Variants in HOXB8 observed in about 807,000 individuals in gnomAD.
The protein encoded by HOXB8 is homeobox protein Hox-B8.
A neutral mutation model predicts 22.2 loss-of-function variants in HOXB8; 17 were observed. The ratio of observed to expected loss-of-function variants is 0.77; its 90% CI spans 0.53 to 1.15. The LOEUF is 1.15. Among genes scored for constraint, HOXB8 ranks in the 50% most tolerant of loss-of-function variants. The probability of loss-of-function intolerance (pLI) is 0.00; values close to 1 mark genes in which losing one functional copy is unlikely to be tolerated. For synonymous variants in HOXB8, 156 were observed against 144.6 expected, an observed-to-expected ratio of 1.08 and a Z score of -0.57; for missense variants, 287 against 323.8, an observed-to-expected ratio of 0.89 and a Z score of 0.87.
chr17:48,614,594 G>A lies in HOXB8; in HGVS notation c.111C>T (p.Thr37=), dbSNP rs1022189335. 3 of 1,610,722 alleles carry A rather than the reference G, an allele frequency of 1.9e-6. No homozygotes were observed. Among genetic ancestry groups the A allele is most frequent in the Non-Finnish European group, 2.5e-6 (3 of 1,178,586 alleles). ...GFAQDLGGRP[T]VVYGPSSGGS... is the part of the protein sequence containing the mutation. Reference sequence around the variant, plus strand: ...CGCCGCTGCTGGGACCGTACACCACGGTGGGTCGGCCGCCCAGGTCCTGGG... The same window carrying A: ...CGCCGCTGCTGGGACCGTACACCACAGTGGGTCGGCCGCCCAGGTCCTGGG... The change falls in exon 1 of 2, where the codon ACC becomes ACT. Residue 37 remains threonine, a synonymous_variant. Coordinates refer to ENST00000239144, the MANE Select transcript of HOXB8 (RefSeq NM_024016.4). The surrounding 1 kb of genome is among the most constrained non-coding windows in gnomAD (Gnocchi z 4.1).
Position 48,613,317 on chromosome 17 carries a change from T to G in HOXB8, c.617A>C (p.Asn206Thr). 6.2e-7 allele frequency: 1 copy of G among 1,614,056 alleles called. No individual in the cohort carries two copies. The highest frequency in any genetic ancestry group is 1.1e-5 in the South Asian group (1 of 91,072). ...TTTGCTGCTGGGGAACTTGTCTTTG[T>G]TGTTCTCTTTTTTCCACTTCATCCT... ...NRRMKWKKEN[N>T]KDKFPSSKCE... Residue 206 changes from asparagine (N) to threonine (T), a missense_variant, in exon 2 of 2, where the codon AAC (asparagine) becomes ACC (threonine). By Grantham distance (65) the Asn-to-Thr change is moderately conservative (BLOSUM62 0). Around this residue, in one of 3 missense-constraint regions of HOXB8, gnomAD observed 52 missense variants for 54.8 expected, o/e 0.95. Coordinates refer to ENST00000239144, the MANE Select transcript of HOXB8 (RefSeq NM_024016.4).
rs374013661 is a variant in HOXB8, at chr17:48,613,385, C to T, written c.549G>A (p.Leu183=). ...TTTTGACCTGTCTCTCTGTCAGTCCCAGGGCGTGCGATACCTCGATTCGCC... is the reference window on the plus strand; with the variant it reads ...TTTTGACCTGTCTCTCTGTCAGTCCTAGGGCGTGCGATACCTCGATTCGCC... ...RKRRIEVSHA[L]GLTERQVKIW... The change falls in exon 2 of 2, where the codon CTG becomes CTA. Residue 183 remains leucine, a synonymous_variant. Coordinates refer to ENST00000239144, the MANE Select transcript of HOXB8 (RefSeq NM_024016.4). 1.1e-5 allele frequency: 17 copies of T among 1,613,970 alleles called. No homozygotes were observed. The East Asian group carries it at 2.2e-4, about 21-fold the overall frequency.
intron 1 of HOXB8, among the ~76,000 whole-genome samples, chr17:48,613,953 A>G (rs1472099380): frequency 6.6e-6 from 1 of 152,090 alleles, no homozygotes; most frequent in African/African-American, 2.4e-5. Flanking sequence ...AGCAATTGAG[A>G]AGTGCAAAAG....
chr17:48,613,288 C>T lies in HOXB8; in HGVS notation c.646G>A (p.Glu216Lys), dbSNP rs771982800. The change falls in exon 2 of 2, where the codon GAG becomes AAG. Residue 216 changes from glutamate to lysine, a missense_variant. Around this residue, in one of 3 missense-constraint regions of HOXB8, gnomAD observed 52 missense variants for 54.8 expected, o/e 0.95. Coordinates refer to ENST00000239144, the MANE Select transcript of HOXB8 (RefSeq NM_024016.4). ...NKDKFPSSKC[E>K]QEELEKQKLE... is the part of the protein sequence containing the mutation. ...TTCTGTTTCTCCAGCTCCTCCTGCT[C>T]GCATTTGCTGCTGGGGAACTTGTCT... is the stretch of plus-strand genomic sequence containing the variant. 3.1e-6 allele frequency: 5 copies of T among 1,614,036 alleles called. No individual in the cohort carries two copies. The Admixed American group carries it at 6.7e-5, about 22-fold the overall frequency.
At position 48,612,559 on chromosome 17, in the gene HOXB8, T is replaced by C. The variant is rs1416580600; in HGVS notation, c.*643A>G. 2 of 152,526 alleles carry C rather than the reference T, an allele frequency of 1.3e-5. No individual in the cohort carries two copies. Among genetic ancestry groups the C allele is most frequent in the Admixed American group, 1.3e-4 (2 of 15,276 alleles). 9.4% of individuals were successfully genotyped at this position (152,526 alleles called of 1,614,324 possible). On this transcript the variant is annotated 3_prime_UTR_variant, in exon 2 of 2. Transcript: ENST00000239144. ...CGCATGCTAACTAAAGTAACCTCTT[T>C]TGAGAAACACTTAAGACAAAATTGT...
chr17:48,612,869 G>A lies in HOXB8; in HGVS notation c.*333C>T, dbSNP rs1597889409. 6.2e-6 allele frequency: 1 copy of A among 160,780 alleles called. No homozygotes were observed. Among genetic ancestry groups the A allele is most frequent in the Admixed American group, 6.4e-5 (1 of 15,556 alleles). 10.0% of individuals were successfully genotyped at this position (160,780 alleles called of 1,614,324 possible). On this transcript the variant is annotated 3_prime_UTR_variant, in exon 2 of 2. Coordinates refer to ENST00000239144, the MANE Select transcript of HOXB8 (RefSeq NM_024016.4). The stretch of plus-strand genomic sequence containing the variant: ...GAAAAAAAAGACAATTGCACAAGGA[G>A]GCTTTTTACACGGGGAGGGGAGGGG...
At position 48,615,214 on chromosome 17, in the gene HOXB8, A is replaced by AGAGCGAGGGTGAGAGCGAGAGAGAGC. The variant is rs2070710952; in HGVS notation, c.-536_-511dup. Among the ~76,000 whole-genome samples, 1 of 148,740 alleles carries AGAGCGAGGGTGAGAGCGAGAGAGAGC rather than the reference A, an allele frequency of 6.7e-6. No homozygotes were observed. The highest frequency in any genetic ancestry group is 2.5e-5 in the African/African-American group (1 of 40,802). ...TTCGTACTCCTCCCGGACAGAACGC[A>AGAGCGAGGGTGAGAGCGAGAGAGAGC]GAGCGAGGGTGAGAGCGAGAGAGAG... On this transcript the variant is annotated 5_prime_UTR_variant, in exon 1 of 2. Coordinates refer to ENST00000239144, the MANE Select transcript of HOXB8 (RefSeq NM_024016.4).
At position 48,614,815 on chromosome 17, in the gene HOXB8, C is replaced by G. The variant is rs947903399; in HGVS notation, c.-111G>C. 1 of 861,880 alleles carries G rather than the reference C, an allele frequency of 1.2e-6. No homozygotes were observed. The highest frequency in any genetic ancestry group is 1.7e-6 in the Non-Finnish European group (1 of 591,500). The allele number at this position is 861,880 out of a possible 1,614,324, so 53.4% of individuals were successfully genotyped here. ...GAGAGAGAAAAAAACGCGGATTCGC[C>G]GGCTCCTAGTCACCCTCGCCAGGAA... On this transcript the variant is annotated 5_prime_UTR_variant, in exon 1 of 2. Coordinates refer to ENST00000239144, the MANE Select transcript of HOXB8 (RefSeq NM_024016.4). The surrounding 1 kb of genome is among the most constrained non-coding windows in gnomAD (Gnocchi z 4.1).
chr17:48,613,503 G>C lies in HOXB8; in HGVS notation c.431C>G (p.Ala144Gly), dbSNP rs766718145. Residue 144 changes from alanine (A) to glycine (G), a missense_variant, in exon 2 of 2, where the codon GCC becomes GGC. This residue lies in a region of HOXB8 where 229 missense variants were observed against 239.8 expected (regional missense o/e 0.95). Transcript: ENST00000239144. ...GGTCTGTCGGCCTCGCCTGCGTCCG[G>C]CGGCTGCTGGGAATGGGGGAAAGGG... is the stretch of plus-strand genomic sequence containing the variant. ...LFPWMRPQAA[A>G]GRRRGRQTYS... is the part of the protein sequence containing the mutation. 6.3e-7 allele frequency: 1 copy of C among 1,590,562 alleles called. No individual in the cohort carries two copies. Among genetic ancestry groups the C allele is most frequent in the African/African-American group, 1.4e-5 (1 of 73,976 alleles).
Position 48,614,432 on chromosome 17 carries a change from C to T in HOXB8, c.273G>A (p.Leu91=), listed in dbSNP as rs1444783637. 9 of 1,613,944 alleles carry T rather than the reference C, an allele frequency of 5.6e-6. No individual in the cohort carries two copies. The South Asian group carries it at 9.9e-5, about 18-fold the overall frequency. The stretch of plus-strand genomic sequence containing the variant: ...GCGCACCGAATAGGCTCTGGCGTTG[C>T]AGCGGGTCGTAGCCGTAGAAATTGC... The part of the protein sequence containing the change: ...DPGNFYGYDP[L]QRQSLFGAQD... The change falls in exon 1 of 2, where the codon CTG becomes CTA. Residue 91 remains leucine (L), a synonymous_variant. Coordinates refer to ENST00000239144, the MANE Select transcript of HOXB8 (RefSeq NM_024016.4). The surrounding 1 kb of genome is among the most constrained non-coding windows in gnomAD (Gnocchi z 4.1).
At chr17:48,613,711 G>C (rs1297545425) in intron 1 of HOXB8, among the ~76,000 whole-genome samples, 1 of 152,130 alleles carries the variant, frequency 6.6e-6, no homozygotes, top group Admixed American at 6.5e-5. Context: ...TTAGACACAA[G>C]TGAATCTAAG....
At position 48,614,230 on chromosome 17, in the gene HOXB8, T is replaced by TGCCCGGCCC; in HGVS notation, c.424+50_424+51insGGGCCGGGC. 8.5e-6 allele frequency: 3 copies of TGCCCGGCCC among 353,000 alleles called. No homozygotes were observed. The highest frequency in any genetic ancestry group is 3.3e-5 in the African/African-American group (1 of 30,570). The allele number at this position is 353,000 out of a possible 1,614,324, so 21.9% of individuals were successfully genotyped here. A position where few individuals can be genotyped will look rare whatever the true frequency, so the allele number is the denominator to read the frequency against. On this transcript the variant is annotated intron_variant, in intron 1 of 1. Coordinates refer to ENST00000239144, the MANE Select transcript of HOXB8 (RefSeq NM_024016.4). This position sits in a 1 kb window ranked among gnomAD's most constrained non-coding sequence, Gnocchi z 4.1. ...GAAATGCGCCCCGGCCTGCCAGGCC[T>TGCCCGGCCC]TGGGCCCTTCCGGCCCCCTCCTGCC...
In HOXB8 at chr17:48,612,442, G is replaced by C. The variant is rs1372676058; in HGVS notation, c.*760C>G. The C allele has an allele frequency of 6.6e-6, 1 of 152,350 alleles. No homozygotes were observed. The highest frequency in any genetic ancestry group is 1.5e-5 in the Non-Finnish European group (1 of 67,990). The allele number at this position is 152,350 out of a possible 1,614,324, so 9.4% of individuals were successfully genotyped here. A position where few individuals can be genotyped will look rare whatever the true frequency, so the allele number is the denominator to read the frequency against. On this transcript the variant is annotated 3_prime_UTR_variant, in exon 2 of 2. Coordinates refer to ENST00000239144, the MANE Select transcript of HOXB8 (RefSeq NM_024016.4). ...AGAGGAACAACAAAATATATAATTA[G>C]CCCTCCCTCCCCCCCATAAAGCAAT...
Position 48,614,202 on chromosome 17 carries a change from G to T in HOXB8, c.424+79C>A. Reference sequence around the variant, plus strand: ...GAGCCGGCAAGTCTTCCAGAAGCTGGAGGAAATGCGCCCCGGCCTGCCAGG... The same window carrying T: ...GAGCCGGCAAGTCTTCCAGAAGCTGTAGGAAATGCGCCCCGGCCTGCCAGG... On this transcript the variant is annotated intron_variant, in intron 1 of 1. Transcript: ENST00000239144. This position sits in a 1 kb window ranked among gnomAD's most constrained non-coding sequence, Gnocchi z 4.1. 4 of 666,436 alleles carry T rather than the reference G, an allele frequency of 6.0e-6. No homozygotes were observed. The South Asian group carries it at 1.1e-4, about 19-fold the overall frequency. The allele number at this position is 666,436 out of a possible 1,614,324, so 41.3% of individuals were successfully genotyped here.
chr17:48,613,674 T>G (rs2070687746), intron 1 of HOXB8, among the ~76,000 whole-genome samples, 165 bp from the exon 2 acceptor site: 3 of 148,878 alleles, frequency 2.0e-5, no homozygotes, highest in Admixed American at 6.6e-5. Context: ...AAGGCCGCGG[T>G]CGGCGGAGGA....
rs1210933195 is a variant in HOXB8 at position 48,614,504 on chromosome 17, A to G, written c.201T>C (p.Ala67=). Residue 67 remains alanine (A), a synonymous_variant, in exon 1 of 2, where the codon GCT becomes GCC. Transcript: ENST00000239144. The surrounding 1 kb of genome is among the most constrained non-coding windows in gnomAD (Gnocchi z 4.1). ...FYHGPSSLST[A]PYQQNPCAVA... is the part of the protein sequence containing the mutation. ...CGGCGCACGGGTTCTGCTGGTAGGG[A>G]GCCGTGGACAGCGACGACGGCCCGT... 2 of 1,613,696 alleles carry G rather than the reference A, an allele frequency of 1.2e-6. No homozygotes were observed. Among genetic ancestry groups the G allele is most frequent in the Admixed American group, 1.7e-5 (1 of 59,998 alleles).
chr17:48,613,504 C>A lies in HOXB8; in HGVS notation c.430G>T (p.Ala144Ser), dbSNP rs1193062165. ...LFPWMRPQAA[A>S]GRRRGRQTYS... Reference sequence around the variant, plus strand: ...GTCTGTCGGCCTCGCCTGCGTCCGGCGGCTGCTGGGAATGGGGGAAAGGGC... The same window carrying A: ...GTCTGTCGGCCTCGCCTGCGTCCGGAGGCTGCTGGGAATGGGGGAAAGGGC... The change falls in exon 2 of 2, where the codon GCC becomes TCC. Residue 144 changes from alanine (A) to serine (S), a missense_variant. Ala to Ser is a moderately conservative substitution (Grantham distance 99). Around this residue, in one of 3 missense-constraint regions of HOXB8, gnomAD observed 229 missense variants for 239.8 expected, o/e 0.95. Transcript: ENST00000239144. 1 of 1,095,918 alleles carries A rather than the reference C, an allele frequency of 9.1e-7. No homozygotes were observed. The highest frequency in any genetic ancestry group is 1.1e-6 in the Non-Finnish European group (1 of 882,316). The allele number at this position is 1,095,918 out of a possible 1,614,324, so 67.9% of individuals were successfully genotyped here. A position where few individuals can be genotyped will look rare whatever the true frequency, so the allele number is the denominator to read the frequency against.
In HOXB8 at chr17:48,613,600, T is replaced by A; in HGVS notation, c.425-91A>T. The stretch of plus-strand genomic sequence containing the variant: ...AGGTTGGAAGATTCGTGAACGAGCC[T>A]GGGAGACCATTATAATAAGGGCAGG... On this transcript the variant is annotated intron_variant, in intron 1 of 1. Transcript: ENST00000239144. The A allele has an allele frequency of 3.9e-6, 3 of 766,668 alleles. No individual in the cohort carries two copies. In the South Asian group the frequency reaches 5.4e-5, roughly 14 times the overall value. 47.5% of individuals were successfully genotyped at this position (766,668 alleles called of 1,614,324 possible). A position where few individuals can be genotyped will look rare whatever the true frequency, so the allele number is the denominator to read the frequency against.
At position 48,614,265 on chromosome 17, in the gene HOXB8, C is replaced by T. The variant is rs751653877; in HGVS notation, c.424+16G>A. ...CCGGCCCCCTCCTGCCCTTGTCGGCCCCGAGGCGAGCTCACCTTGCGGGCG... is the reference window on the plus strand; with the variant it reads ...CCGGCCCCCTCCTGCCCTTGTCGGCTCCGAGGCGAGCTCACCTTGCGGGCG... On this transcript the variant is annotated intron_variant, in intron 1 of 1. Transcript: ENST00000239144. The surrounding 1 kb of genome is among the most constrained non-coding windows in gnomAD (Gnocchi z 4.1). 483 of 1,481,094 alleles carry T rather than the reference C, an allele frequency of 3.3e-4. No individual in the cohort carries two copies. The highest frequency in any genetic ancestry group is 4.1e-4 in the Non-Finnish European group (464 of 1,124,312). 91.7% of individuals were successfully genotyped at this position (1,481,094 alleles called of 1,614,324 possible). A position where few individuals can be genotyped will look rare whatever the true frequency, so the allele number is the denominator to read the frequency against.
Sources: gnomAD v4.1 joint callset for allele counts (sites outside exome capture counted in the v4.1 genomes callset) on GRCh38, gnomAD v4.1.1 for gene constraint, gnomAD v4.1.1 regional missense constraint, Gnocchi (gnomAD v3.1) non-coding constraint, MANE v1.5 for transcripts, NCBI Gene and HGNC (gene_info 2026-07-23, HGNC 2026-07-21) for gene names.